Variants in CSMD1 observed in about 807,000 individuals in gnomAD.
The protein encoded by CSMD1 is CUB and sushi domain-containing protein 1.
Under a neutral mutation model 417.5 loss-of-function variants are expected in CSMD1, and 213 were observed. That is an observed-to-expected ratio of 0.51 (90% CI 0.46 to 0.57). CSMD1 has a LOEUF of 0.57. CSMD1 is among the 20% of genes least tolerant of loss of function. The probability of loss-of-function intolerance (pLI) is 0.00; values close to 1 mark genes in which losing one functional copy is unlikely to be tolerated. For synonymous variants in CSMD1, 2,862 were observed against 1,736.8 expected (o/e 1.65, Z -16.11); for missense variants, 6,923 against 4,529.7 (o/e 1.53, Z -15.17).
At chr8:4,375,432 C>A (rs1007880883) in intron 3 of CSMD1, among the ~76,000 whole-genome samples, 4 of 152,126 alleles carry the variant, frequency 2.6e-5, no homozygotes, top group Non-Finnish European at 5.9e-5. Flanking sequence ...TTGTACTACC[C>A]CAGGAAACCA....
chr8:3,575,878 G>A (rs1800131278), intron 9 of CSMD1, among the ~76,000 whole-genome samples: 1 of 151,208 alleles, frequency 6.6e-6, no homozygotes, highest in African/African-American at 2.4e-5. Context: ...ACATATTTTA[G>A]AAATATAATG....
chr8:3,163,647 T>C (rs970120311), intron 37 of CSMD1, among the ~76,000 whole-genome samples: 22 of 147,966 alleles, frequency 1.5e-4, no homozygotes, highest in African/African-American at 5.0e-4. Context: ...AGTGCAAAGA[T>C]AAAATGATTA....
chr8:3,341,547 C>A (rs533068719), intron 23 of CSMD1, among the ~76,000 whole-genome samples: 3 of 152,142 alleles, frequency 2.0e-5, no homozygotes, highest in Non-Finnish European at 2.9e-5. Flanking sequence ...GTGAAGCAGC[C>A]ACAGGAAGGG....
chr8:3,161,088 G>C (rs905190360), intron 38 of CSMD1, among the ~76,000 whole-genome samples: 4 of 152,148 alleles, frequency 2.6e-5, no homozygotes, highest in African/African-American at 9.7e-5. Flanking sequence ...TAACTGAAGA[G>C]CTGGAATGTC....
chr8:3,488,214 C>G (rs1045146626), intron 11 of CSMD1, among the ~76,000 whole-genome samples: 1 of 151,934 alleles, frequency 6.6e-6, no homozygotes, highest in African/African-American at 2.4e-5. Flanking sequence ...TCGACCCTTT[C>G]ACCTTAGCCT....
intron 18 of CSMD1, among the ~76,000 whole-genome samples, chr8:3,385,904 T>G (rs1166838186): frequency 6.6e-6 from 1 of 151,748 alleles, no homozygotes; most frequent in Non-Finnish European, 1.5e-5. Context: ...GATTCACATA[T>G]GAGAGGAAAA....
intron 49 of CSMD1, among the ~76,000 whole-genome samples, chr8:3,083,644 ATATATTTTTTTTTTTTTTTTTTTT>A (rs1343245757): frequency 5.0e-5 from 1 of 19,804 alleles, no homozygotes; most frequent in East Asian, 2.0e-3. Flanking sequence ...ATATATATAT[ATATATTTTTTTTTTTTTTTTTTTT>A]TTTTTTTTTT....
At chr8:4,795,739 G>A (rs1444648467) in intron 1 of CSMD1, among the ~76,000 whole-genome samples, 1 of 152,062 alleles carries the variant, frequency 6.6e-6, no homozygotes, top group African/African-American at 2.4e-5. Context: ...GTCCTCCAGG[G>A]CTCTTGTCAG....
At chr8:4,066,144 T>C (rs921085839) in intron 3 of CSMD1, among the ~76,000 whole-genome samples, 3 of 151,466 alleles carry the variant, frequency 2.0e-5, no homozygotes, top group Non-Finnish European at 4.4e-5. Context: ...TTTCTCTGTT[T>C]GGAAGACTCA....
chr8:4,035,513 C>T (rs1383826079), intron 3 of CSMD1, among the ~76,000 whole-genome samples: 3 of 152,152 alleles, frequency 2.0e-5, no homozygotes, highest in Non-Finnish European at 2.9e-5. Flanking sequence ...CCCCGAAGAC[C>T]TTCTGGTGGG....
intron 26 of CSMD1, among the ~76,000 whole-genome samples, chr8:3,236,407 T>A (rs370837533): frequency 6.6e-6 from 1 of 152,132 alleles, no homozygotes; most frequent in Non-Finnish European, 1.5e-5. Flanking sequence ...GTTAGCCAGA[T>A]TGGACTAAAA....
intron 2 of CSMD1, among the ~76,000 whole-genome samples, chr8:4,440,595 T>C (rs1683133287): frequency 6.6e-6 from 1 of 152,196 alleles, no homozygotes; most frequent in Admixed American, 6.5e-5. Flanking sequence ...ACTTTAGCAT[T>C]TTCTCTGGAA....
At chr8:4,232,051 G>A (rs1563310798) in intron 3 of CSMD1, among the ~76,000 whole-genome samples, 2 of 152,136 alleles carry the variant, frequency 1.3e-5, no homozygotes, top group Admixed American at 6.6e-5. Flanking sequence ...GATACTATGA[G>A]GTGTTAGAAG....
chr8:4,303,747 C>G (rs1429996886), intron 3 of CSMD1, among the ~76,000 whole-genome samples: 1 of 152,022 alleles, frequency 6.6e-6, no homozygotes, highest in Non-Finnish European at 1.5e-5. Context: ...CCTCAGCCTC[C>G]TGGTTTCAAG....
chr8:3,734,861 G>T (rs752105717), intron 6 of CSMD1, among the ~76,000 whole-genome samples: 3 of 152,226 alleles, frequency 2.0e-5, no homozygotes, highest in East Asian at 3.9e-4. Context: ...ATCTAATGCC[G>T]CTGATGCTAC....
At chr8:3,106,496 T>C (rs749186680) in intron 46 of CSMD1, 32 bp downstream of exon 46, 6 of 1,327,356 alleles carry the variant, frequency 4.5e-6, no homozygotes, top group Non-Finnish European at 6.5e-6. Context: ...GTTGAATAAG[T>C]TTATGTAGTT....
chr8:4,148,712 G>A (rs1479817839), intron 3 of CSMD1, among the ~76,000 whole-genome samples: 3 of 151,968 alleles, frequency 2.0e-5, no homozygotes, highest in Admixed American at 2.0e-4. Flanking sequence ...CCACAGCGAG[G>A]GCTCCACTCT....
intron 1 of CSMD1, among the ~76,000 whole-genome samples, chr8:4,859,599 G>C (rs1385147489): frequency 6.6e-6 from 1 of 152,026 alleles, no homozygotes; most frequent in South Asian, 2.1e-4. Context: ...AGTGGGCGAA[G>C]GACATGAACA....
chr8:4,908,678 C>T (rs889139152), intron 1 of CSMD1, among the ~76,000 whole-genome samples: 1 of 151,140 alleles, frequency 6.6e-6, no homozygotes, highest in South Asian at 2.1e-4. Context: ...AGGCTGTATT[C>T]AGTCTAGCAA....
Sources: allele counts gnomAD v4.1 joint callset (sites outside exome capture counted in the v4.1 genomes callset), GRCh38; gene constraint gnomAD v4.1.1; transcripts MANE v1.5; gene names NCBI Gene and HGNC (gene_info 2026-07-23, HGNC 2026-07-21).